Variants in GRM7 observed in about 807,000 individuals in gnomAD.
GRM7 encodes metabotropic glutamate receptor 7.
In GRM7, 35 loss-of-function variants were observed where a neutral mutation model predicts 84.5. The ratio of observed to expected loss-of-function variants is 0.41; its 90% CI spans 0.32 to 0.55. The LOEUF (loss-of-function observed/expected upper bound fraction) is 0.55. Ranked by LOEUF, GRM7 falls within the 20% of genes least tolerant of loss-of-function variation. The pLI is 0.19. For missense variants in GRM7, 1,003 were observed against 1,194.6 expected (o/e 0.84, Z 2.36); for synonymous variants, 487 against 455.1 (o/e 1.07, Z -0.89).
intron 5 of GRM7, among the ~76,000 whole-genome samples, chr3:7,437,975 A>G (rs1697128461): frequency 6.6e-6 from 1 of 152,170 alleles, no homozygotes; most frequent in Non-Finnish European, 1.5e-5. Context: ...TGTTTAAAAA[A>G]AAAAGGTCAC....
intron 1 of GRM7, 64 bp from the exon 2 acceptor site, chr3:7,146,388 A>T: frequency 8.3e-7 from 1 of 1,202,978 alleles, no homozygotes; most frequent in Non-Finnish European, 1.2e-6. Context: ...AACTGTCATA[A>T]GTATAAATGA....
chr3:7,241,944 T>G (rs1697573811), intron 2 of GRM7, among the ~76,000 whole-genome samples: 1 of 152,264 alleles, frequency 6.6e-6, no homozygotes, highest in African/African-American at 2.4e-5. Context: ...GCTACAGCTG[T>G]TTTTTAAAAA....
intron 8 of GRM7, among the ~76,000 whole-genome samples, chr3:7,636,752 A>G (rs898430714): frequency 2.0e-5 from 3 of 152,144 alleles, no homozygotes; most frequent in Non-Finnish European, 4.4e-5. Flanking sequence ...AGTGCTGGGT[A>G]AAAGCTCAGC....
chr3:7,732,087 C>T (rs541800247), intron 9 of GRM7, among the ~76,000 whole-genome samples: 13 of 152,198 alleles, frequency 8.5e-5, no homozygotes, highest in African/African-American at 3.1e-4. Flanking sequence ...GCTTTGTCGC[C>T]CAGGCTGGAG....
rs575414155 is a variant in GRM7, at chr3:7,016,122, CTAT to C, written c.520-130329_520-130327del. Among the ~76,000 whole-genome samples the C allele has an allele frequency of 0.046, 13 of 280 alleles. No individual in the cohort carries two copies. The South Asian group carries it at 0.46, about 10-fold the overall frequency. 0.2% of individuals were successfully genotyped at this position (280 alleles called of 152,430 possible). A position where few individuals can be genotyped will look rare whatever the true frequency, so the allele number is the denominator to read the frequency against. ...TACGCAGTTTATTAAGGGCTTTGAT[CTAT>C]CTGGGCTAAAATCCCAGCTAGTTCT... On this transcript the variant is annotated intron_variant, in intron 1 of 9. Coordinates refer to ENST00000357716, the MANE Select transcript of GRM7 (RefSeq NM_000844.4).
intron 1 of GRM7, among the ~76,000 whole-genome samples, chr3:7,091,292 T>C (rs1469061018): frequency 1.3e-5 from 2 of 152,168 alleles, no homozygotes; most frequent in African/African-American, 4.8e-5. Context: ...AAAGGCCTTC[T>C]TCTGGGACTT....
rs1365192243 is a variant in GRM7 at position 7,454,090 on chromosome 3, A to ACACACTCTCTCT, written c.1375+1284_1375+1285insACACTCTCTCTC. On this transcript the variant is annotated intron_variant, in intron 6 of 9. Coordinates refer to ENST00000357716, the MANE Select transcript of GRM7 (RefSeq NM_000844.4). ...ACCATACATGAAAAGCTACACACAC[A>ACACACTCTCTCT]CTCTCTCTCTCTCTCTCTCTCTCTC... Among the ~76,000 whole-genome samples the ACACACTCTCTCT allele has an allele frequency of 9.3e-4, 130 of 140,196 alleles. 1 individual carries two copies. The highest frequency in any genetic ancestry group is 3.3e-3 in the African/African-American group (119 of 35,930). 92.0% of individuals were successfully genotyped at this position (140,196 alleles called of 152,430 possible).
rs544664341 is a variant in GRM7, at chr3:7,521,708, T to C, written c.1516-56714T>C. ...ATACCTCTTTCTAGACATGAGTTCA[T>C]GTCTGATGAACCTCACCAAGGGATA... On this transcript the variant is annotated intron_variant, in intron 7 of 9. Coordinates refer to ENST00000357716, the MANE Select transcript of GRM7 (RefSeq NM_000844.4). Among the ~76,000 whole-genome samples, 19 of 152,286 alleles carry C rather than the reference T, an allele frequency of 1.2e-4. No homozygotes were observed. The South Asian group carries it at 3.9e-3, about 32-fold the overall frequency.
At chr3:6,976,548 C>T (rs1694005444) in intron 1 of GRM7, among the ~76,000 whole-genome samples, 1 of 152,114 alleles carries the variant, frequency 6.6e-6, no homozygotes, top group Non-Finnish European at 1.5e-5. Flanking sequence ...ATTAATTAAT[C>T]TTTTTATTTA....
chr3:7,460,481 A>G (rs946465945), intron 6 of GRM7, among the ~76,000 whole-genome samples: 13 of 152,130 alleles, frequency 8.5e-5, no homozygotes, highest in African/African-American at 1.2e-4. Flanking sequence ...GGTGCCATCA[A>G]TTTGGGTCAA....
At chr3:6,939,668 G>A (rs1017244368) in intron 1 of GRM7, among the ~76,000 whole-genome samples, 4 of 152,210 alleles carry the variant, frequency 2.6e-5, no homozygotes, top group Admixed American at 2.0e-4. Context: ...CTGCCCTAAA[G>A]CCTCCATTGC....
intron 4 of GRM7, among the ~76,000 whole-genome samples, chr3:7,344,461 T>C (rs1208436577): frequency 3.9e-5 from 6 of 152,180 alleles, no homozygotes; most frequent in Non-Finnish European, 7.3e-5. Context: ...CCATGGCGTA[T>C]ATGTACCACA....
At chr3:7,185,695 G>C (rs1695491163) in intron 2 of GRM7, among the ~76,000 whole-genome samples, 1 of 152,170 alleles carries the variant, frequency 6.6e-6, no homozygotes, top group Admixed American at 6.5e-5. Context: ...GCAGATGCTT[G>C]GGCCTCCCAT....
chr3:7,532,875 T>TA (rs200116512), intron 7 of GRM7, among the ~76,000 whole-genome samples: 369 of 86,496 alleles, frequency 4.3e-3, no homozygotes, highest in South Asian at 0.015. Flanking sequence ...CCAACAAAGA[T>TA]AAAAAAAAAA....
chr3:7,655,282 A>G (rs1321747790), intron 8 of GRM7, among the ~76,000 whole-genome samples: 1 of 152,256 alleles, frequency 6.6e-6, no homozygotes, highest in Non-Finnish European at 1.5e-5. Context: ...CTTCAAAGCT[A>G]GAAAGAGCAA....
chr3:6,883,326 A>G (rs1695580968), intron 1 of GRM7, among the ~76,000 whole-genome samples: 1 of 151,912 alleles, frequency 6.6e-6, no homozygotes, highest in Non-Finnish European at 1.5e-5. Flanking sequence ...TTTTTAATTT[A>G]TAAATTATAA....
intron 2 of GRM7, among the ~76,000 whole-genome samples, chr3:7,165,780 T>A (rs1694780836): frequency 6.6e-6 from 1 of 152,224 alleles, no homozygotes; most frequent in African/African-American, 2.4e-5. Context: ...TCTATTTACA[T>A]GTTTATAATT....
chr3:7,531,197 A>G (rs1701022953), intron 7 of GRM7, among the ~76,000 whole-genome samples: 1 of 152,182 alleles, frequency 6.6e-6, no homozygotes, highest in Non-Finnish European at 1.5e-5. Context: ...TTTATTAAAC[A>G]GGGAATCTTC....
At chr3:7,473,365 T>C (rs9847035) in intron 7 of GRM7, among the ~76,000 whole-genome samples, 1 of 152,028 alleles carries the variant, frequency 6.6e-6, no homozygotes, top group African/African-American at 2.4e-5. Context: ...TAGTCCTAGC[T>C]ACTCAGGAGG....
Sources: allele counts gnomAD v4.1 joint callset (sites outside exome capture counted in the v4.1 genomes callset), GRCh38; gene constraint gnomAD v4.1.1; transcripts MANE v1.5; gene names NCBI Gene and HGNC (gene_info 2026-07-23, HGNC 2026-07-21).